The following WDR75 variants were observed in gnomAD, a reference collection of about 807,000 sequenced individuals.
WDR75 encodes the protein WD repeat-containing protein 75.
A neutral mutation model predicts 106.1 loss-of-function variants in WDR75; 52 were observed. That is an observed-to-expected ratio of 0.49 (90% CI 0.39 to 0.62). The LOEUF (loss-of-function observed/expected upper bound fraction) is 0.62, where lower values mean the gene tolerates loss of function less well. Among genes scored for constraint, WDR75 ranks in the 20% least tolerant of loss-of-function variants. The probability of loss-of-function intolerance (pLI) is 0.00; values close to 1 mark genes in which losing one functional copy is unlikely to be tolerated. For synonymous variants in WDR75, 333 were observed against 335.5 expected (o/e 0.99, Z 0.08); for missense variants, 905 against 970.3 (o/e 0.93, Z 0.89).
In WDR75 at chr2:189,457,292, C is replaced by A; in HGVS notation, c.499-19C>A. On this transcript the variant is annotated intron_variant, in intron 5 of 20. Transcript: ENST00000314761. ...GTTGACTATTTTTGTGAATGTTTAT[C>A]TTCTTTTTGAAATACTAGGGAGTAT... 2 of 1,513,844 alleles carry A rather than the reference C, an allele frequency of 1.3e-6. No homozygotes were observed. Among genetic ancestry groups the A allele is most frequent in the Non-Finnish European group, 1.8e-6 (2 of 1,107,286 alleles). 93.8% of individuals were successfully genotyped at this position (1,513,844 alleles called of 1,614,324 possible). A position where few individuals can be genotyped will look rare whatever the true frequency, so the allele number is the denominator to read the frequency against.
intron 9 of WDR75, 24 bp downstream of exon 9, chr2:189,462,666 A>G (rs1436528792): frequency 1.9e-6 from 3 of 1,607,324 alleles, no homozygotes; most frequent in Non-Finnish European, 2.6e-6. Context: ...TTTTATTATG[A>G]GGAAATATAT....
At chr2:189,451,925 C>T in intron 4 of WDR75, 30 bp downstream of exon 4, 1 of 1,525,484 alleles carries the variant, frequency 6.6e-7, no homozygotes, top group South Asian at 1.1e-5. Flanking sequence ...CTATATATGG[C>T]ATTGAGTGGC....
chr2:189,454,744 C>T (rs970392806), intron 4 of WDR75, among the ~76,000 whole-genome samples: 5 of 151,936 alleles, frequency 3.3e-5, no homozygotes, highest in Non-Finnish European at 2.9e-5. Flanking sequence ...AGGATGGTCT[C>T]GATCTCCTGA....
chr2:189,460,959 G>A (rs80140954), intron 8 of WDR75, among the ~76,000 whole-genome samples: 7,298 of 147,598 alleles, frequency 0.049, 219 homozygotes, highest in African/African-American at 0.087. Context: ...AAATATAAAA[G>A]AAATACAGAT....
chr2:189,470,395 G>A, intron 17 of WDR75, 150 bp downstream of exon 17: 1 of 793,662 alleles, frequency 1.3e-6, no homozygotes, highest in Non-Finnish European at 1.9e-6. Flanking sequence ...CAGTACAGCA[G>A]CATTATTAAT....
intron 2 of WDR75, 186 bp downstream of exon 2, chr2:189,448,694 C>A: frequency 1.3e-6 from 1 of 760,492 alleles, no homozygotes; most frequent in Non-Finnish European, 2.3e-6. Flanking sequence ...ATTTGTTCCA[C>A]AGAATGCTAA....
Position 189,463,762 on chromosome 2 carries a change from G to T in WDR75, c.997+9G>T. ...TCAAGGCCTAGTGAAAGGTATTGCA[G>T]AACTCAGTGGATTTGGAATCATGAA... On this transcript the variant is annotated intron_variant, in intron 10 of 20. Coordinates refer to ENST00000314761, the MANE Select transcript of WDR75 (RefSeq NM_032168.3). 1 of 1,613,718 alleles carries T rather than the reference G, an allele frequency of 6.2e-7. No individual in the cohort carries two copies. The highest frequency in any genetic ancestry group is 8.5e-7 in the Non-Finnish European group (1 of 1,179,762).
intron 2 of WDR75, 196 bp from the exon 3 acceptor site, chr2:189,450,707 T>G: frequency 7.3e-7 from 1 of 1,371,700 alleles, no homozygotes; most frequent in Non-Finnish European, 9.3e-7. Context: ...AAACTTGAAA[T>G]GGATGGATCT....
Position 189,475,235 on chromosome 2 carries a change from G to A in WDR75, c.2311G>A (p.Val771Ile), listed in dbSNP as rs149465396. 2.5e-5 allele frequency: 41 copies of A among 1,610,998 alleles called. No homozygotes were observed. The African/African-American group carries it at 4.4e-4, about 17-fold the overall frequency. Residue 771 changes from valine (V) to isoleucine (I), a missense_variant, in exon 21 of 21, where the codon GTA becomes ATA. Coordinates refer to ENST00000314761, the MANE Select transcript of WDR75 (RefSeq NM_032168.3). ...AAGTGCTAAGGAAATTCCTGAAGATGTAGATATGGAAGAAGAAAAAGAAAG... is the reference window on the plus strand; with the variant it reads ...AAGTGCTAAGGAAATTCCTGAAGATATAGATATGGAAGAAGAAAAAGAAAG... ...TKSAKEIPED[V>I]DMEEEKESED...
intron 19 of WDR75, 85 bp from the exon 20 acceptor site, chr2:189,474,632 A>G: frequency 8.5e-7 from 1 of 1,180,472 alleles, no homozygotes; most frequent in South Asian, 1.3e-5. Flanking sequence ...TTACAATAAA[A>G]GGGACTCCGT....
chr2:189,465,205 G>A lies in WDR75; in HGVS notation c.1240G>A (p.Glu414Lys). 1 of 1,613,068 alleles carries A rather than the reference G, an allele frequency of 6.2e-7. No homozygotes were observed. Among genetic ancestry groups the A allele is most frequent in the South Asian group, 1.1e-5 (1 of 90,992 alleles). The change falls in exon 12 of 21, where the codon GAG (glutamate) becomes AAG (lysine). Residue 414 changes from glutamate to lysine, a missense_variant. Coordinates refer to ENST00000314761, the MANE Select transcript of WDR75 (RefSeq NM_032168.3). Reference protein sequence around the residue: ...TVEQRQEKETELELQMKLWMY... With the variant: ...TVEQRQEKETKLELQMKLWMY... ...GGAACAGCGGCAAGAAAAGGAAACT[G>A]AGCTTGAATTGCAAATGAAACTGTG...
chr2:189,464,575 GT>G (rs1686963254), intron 11 of WDR75, among the ~76,000 whole-genome samples: 1 of 151,948 alleles, frequency 6.6e-6, no homozygotes, highest in East Asian at 1.9e-4. Context: ...ACACTTAATA[GT>G]AGGCATTTTA....
chr2:189,462,717 T>G (rs914419228), intron 9 of WDR75, 75 bp downstream of exon 9: 4 of 1,382,712 alleles, frequency 2.9e-6, no homozygotes, highest in Non-Finnish European at 4.0e-6. Flanking sequence ...GAACAGAGAA[T>G]AAAGAGACCT....
chr2:189,464,138 G>C, intron 11 of WDR75, 177 bp downstream of exon 11: 1 of 608,852 alleles, frequency 1.6e-6, no homozygotes, highest in East Asian at 2.8e-5. Flanking sequence ...TGAGGCCACA[G>C]TTGCAGGTTA....
At chr2:189,450,287 T>C in intron 2 of WDR75, 1 of 985,632 alleles carries the variant, frequency 1.0e-6, no homozygotes. Context: ...GTTTGGCTAA[T>C]AAAACTGAGT....
At chr2:189,469,232 C>A in intron 15 of WDR75, 112 bp from the exon 16 acceptor site, 1 of 787,690 alleles carries the variant, frequency 1.3e-6, no homozygotes, top group Admixed American at 2.1e-5. Context: ...AGTGTGTCTC[C>A]ATGTGTGTTA....
At chr2:189,460,570 T>C (rs918381599) in intron 8 of WDR75, among the ~76,000 whole-genome samples, 2 of 151,786 alleles carry the variant, frequency 1.3e-5, no homozygotes, top group African/African-American at 2.4e-5. Flanking sequence ...AGTGGCACCA[T>C]CTTGGCTCAC....
intron 1 of WDR75, 32 bp from the exon 2 acceptor site, chr2:189,448,347 G>A (rs1370503444): frequency 4.4e-6 from 7 of 1,603,618 alleles, no homozygotes; most frequent in Non-Finnish European, 5.1e-6. Context: ...AATACAGTAT[G>A]TAAAACTTAC....
intron 8 of WDR75, among the ~76,000 whole-genome samples, chr2:189,461,298 G>A (rs1357563887): frequency 5.9e-5 from 9 of 152,208 alleles, no homozygotes; most frequent in Admixed American, 5.9e-4. Context: ...GTCTTTTGCA[G>A]GCTTTTGTTA....
Sources: gnomAD v4.1 joint callset for allele counts (sites outside exome capture counted in the v4.1 genomes callset) on GRCh38, gnomAD v4.1.1 for gene constraint, MANE v1.5 for transcripts, NCBI Gene and HGNC (gene_info 2026-07-23, HGNC 2026-07-21) for gene names.